The following PTPRG variants were observed in gnomAD, a reference collection of about 807,000 sequenced individuals.
PTPRG encodes receptor-type tyrosine-protein phosphatase gamma.
Under a neutral mutation model 165.3 loss-of-function variants are expected in PTPRG, and 102 were observed. That is an observed-to-expected ratio of 0.62 (90% CI 0.53 to 0.73). The LOEUF is 0.73. Among genes scored for constraint, PTPRG ranks in the 30% least tolerant of loss-of-function variants. The pLI is 0.00. For missense variants in PTPRG, 1,866 were observed against 1,861.4 expected (o/e 1.00, Z -0.05); for synonymous variants, 675 against 669.5 (o/e 1.01, Z -0.13).
chr3:62,101,867 A>G (rs575793346), intron 5 of PTPRG, among the ~76,000 whole-genome samples: 2 of 152,346 alleles, frequency 1.3e-5, no homozygotes, highest in African/African-American at 2.4e-5. Flanking sequence ...ACTCCCATCA[A>G]GTATGTAACT....
At chr3:62,142,517 C>T (rs116523470) in intron 6 of PTPRG, among the ~76,000 whole-genome samples, 2,679 of 152,190 alleles carry the variant, frequency 0.018, 68 homozygotes, top group African/African-American at 0.058. Context: ...TCAAAGAAGA[C>T]AATGATTAAC....
chr3:61,780,114 C>T lies in PTPRG; in HGVS notation c.190+31132C>T, dbSNP rs76817671. On this transcript the variant is annotated intron_variant, in intron 2 of 29. Transcript: ENST00000474889. ...ATGGCCAAAAAGCTTCATTGCCAGA[C>T]GTGGAAGTCACATATGAAACCCAAA... 1.8e-4 allele frequency among the ~76,000 whole-genome samples: 27 copies of T among 152,286 alleles called. No homozygotes were observed. In the East Asian group the frequency reaches 4.0e-3, roughly 23 times the overall value.
chr3:61,759,335 T>C (rs914876841), intron 2 of PTPRG, among the ~76,000 whole-genome samples: 4 of 152,186 alleles, frequency 2.6e-5, no homozygotes, highest in Admixed American at 2.6e-4. Flanking sequence ...GAATTCTCAC[T>C]TTTCATTCAT....
At chr3:61,850,951 A>G (rs371250919) in intron 2 of PTPRG, among the ~76,000 whole-genome samples, 2 of 152,222 alleles carry the variant, frequency 1.3e-5, no homozygotes, top group African/African-American at 4.8e-5. Context: ...GGCACCTGTG[A>G]CTAGGTTTCT....
intron 1 of PTPRG, among the ~76,000 whole-genome samples, chr3:61,712,354 C>CA (rs1446567686): frequency 6.6e-6 from 1 of 151,100 alleles, no homozygotes. Context: ...AAAGAGAGAA[C>CA]ACTGGAGAAT....
chr3:62,262,770 T>A (rs761285085), intron 16 of PTPRG, 28 bp from the exon 17 acceptor site: 1 of 1,538,696 alleles, frequency 6.5e-7, no homozygotes. Context: ...CTAAACTGTG[T>A]CTATAATCTT....
At chr3:61,990,899 C>CTTTTTTT (rs10662494) in intron 3 of PTPRG, among the ~76,000 whole-genome samples, 1 of 139,204 alleles carries the variant, frequency 7.2e-6, no homozygotes, top group South Asian at 2.3e-4. Flanking sequence ...ACAAAGTTGC[C>CTTTTTTT]TTTTTTTTTT....
chr3:62,091,201 C>G (rs181129044), intron 5 of PTPRG, among the ~76,000 whole-genome samples: 27 of 152,342 alleles, frequency 1.8e-4, no homozygotes, highest in Non-Finnish European at 3.7e-4. Context: ...TACACATCCT[C>G]CTGGCCTACT....
Position 61,691,866 on chromosome 3 carries a change from A to C in PTPRG, c.86-57012A>C, listed in dbSNP as rs563976925. ...GAGGCACAGTATAATCATGTTAAAT[A>C]AAGAGGACTTACATTTAACCTTGGA... On this transcript the variant is annotated intron_variant, in intron 1 of 29. Transcript: ENST00000474889. 8.1e-5 allele frequency among the ~76,000 whole-genome samples: 4 copies of C among 49,154 alleles called. No individual in the cohort carries two copies. The South Asian group carries it at 4.9e-3, about 60-fold the overall frequency. 32.2% of individuals were successfully genotyped at this position (49,154 alleles called of 152,430 possible).
intron 5 of PTPRG, among the ~76,000 whole-genome samples, chr3:62,078,955 AG>A (rs1701481666): frequency 6.6e-6 from 1 of 152,176 alleles, no homozygotes; most frequent in Admixed American, 6.5e-5. Context: ...TTAGTGTGTA[AG>A]GTAGTCTGAG....
chr3:61,853,376 G>A (rs907400921), intron 2 of PTPRG, among the ~76,000 whole-genome samples: 1 of 152,210 alleles, frequency 6.6e-6, no homozygotes, highest in African/African-American at 2.4e-5. Flanking sequence ...TAAAGGAATT[G>A]CGGCTTCTGC....
chr3:62,000,487 G>C (rs2041147290), intron 3 of PTPRG, among the ~76,000 whole-genome samples: 1 of 152,138 alleles, frequency 6.6e-6, no homozygotes, highest in African/African-American at 2.4e-5. Flanking sequence ...AGCATCCAGA[G>C]AAAAAGGAGA....
chr3:61,899,833 G>A (rs2038454441), intron 2 of PTPRG, among the ~76,000 whole-genome samples: 1 of 152,150 alleles, frequency 6.6e-6, no homozygotes, highest in South Asian at 2.1e-4. Flanking sequence ...AGCTGTAGTA[G>A]CATCTTCAGT....
At chr3:61,581,222 A>G (rs903857922) in intron 1 of PTPRG, among the ~76,000 whole-genome samples, 11 of 152,188 alleles carry the variant, frequency 7.2e-5, no homozygotes, top group African/African-American at 2.4e-4. Flanking sequence ...TTGTAAATCT[A>G]GTCGTTAATT....
rs762820055 is a variant in PTPRG, at chr3:62,255,267, G to A, written c.2559+52G>A. 7 of 1,417,594 alleles carry A rather than the reference G, an allele frequency of 4.9e-6. No individual in the cohort carries two copies. The highest frequency in any genetic ancestry group is 6.9e-6 in the Non-Finnish European group (7 of 1,018,834). The allele number at this position is 1,417,594 out of a possible 1,614,324, so 87.8% of individuals were successfully genotyped here. A position where few individuals can be genotyped will look rare whatever the true frequency, so the allele number is the denominator to read the frequency against. ...TCCAGAAACCTAAGTCTTACTTTAT[G>A]CAGATTTTTGTAAACTTGAACTGAA... On this transcript the variant is annotated intron_variant, in intron 16 of 29. Coordinates refer to ENST00000474889, the MANE Select transcript of PTPRG (RefSeq NM_002841.4). This position sits in a 1 kb window ranked among gnomAD's most constrained non-coding sequence, Gnocchi z 4.0.
At chr3:62,136,607 C>T (rs1214262935) in intron 6 of PTPRG, among the ~76,000 whole-genome samples, 1 of 152,132 alleles carries the variant, frequency 6.6e-6, no homozygotes, top group African/African-American at 2.4e-5. Flanking sequence ...CTTGAATTCC[C>T]ACGTGTTGTG....
At chr3:62,157,972 C>T (rs963934533) in intron 7 of PTPRG, among the ~76,000 whole-genome samples, 4 of 152,124 alleles carry the variant, frequency 2.6e-5, no homozygotes, top group Admixed American at 2.6e-4. Context: ...CCCAAAGATT[C>T]ATGGTTAATG....
intron 1 of PTPRG, among the ~76,000 whole-genome samples, chr3:61,665,638 A>T (rs574217497): frequency 6.6e-6 from 1 of 152,136 alleles, no homozygotes; most frequent in South Asian, 2.1e-4. Context: ...AGGCTAGGCA[A>T]CCTAGTGAGA....
intron 1 of PTPRG, among the ~76,000 whole-genome samples, chr3:61,630,702 A>G (rs1360214194): frequency 6.6e-6 from 1 of 152,128 alleles, no homozygotes; most frequent in East Asian, 1.9e-4. Context: ...GGTAGAAAGA[A>G]ATATTCGCAC....
Sources: gnomAD v4.1 joint callset for allele counts (sites outside exome capture counted in the v4.1 genomes callset) on GRCh38, gnomAD v4.1.1 for gene constraint, Gnocchi (gnomAD v3.1) non-coding constraint, MANE v1.5 for transcripts, NCBI Gene and HGNC (gene_info 2026-07-23, HGNC 2026-07-21) for gene names.